GABRG1: variants seen among roughly 807,000 people sequenced by gnomAD.
GABRG1 encodes the protein gamma-aminobutyric acid receptor subunit gamma-1.
A neutral mutation model predicts 49.8 loss-of-function variants in GABRG1; 49 were observed. The observed-to-expected ratio is 0.98, with a 90% CI of 0.78 to 1.25. The LOEUF (loss-of-function observed/expected upper bound fraction) is 1.25. GABRG1 is among the 50% of genes most tolerant of loss of function. GABRG1 has a pLI of 0.00. For synonymous variants in GABRG1, 232 were observed against 185.1 expected (o/e 1.25, Z -2.06); for missense variants, 552 against 552.3 (o/e 1.00, Z 0.01).
chr4:46,058,244 C>T lies in GABRG1; in HGVS notation c.889G>A (p.Asp297Asn), dbSNP rs755182208. The T allele has an allele frequency of 4.3e-6, 7 of 1,612,836 alleles. No individual in the cohort carries two copies. In the Admixed American group the frequency reaches 1.0e-4, roughly 23 times the overall value. The change falls in exon 7 of 9, where the codon GAT becomes AAT. Residue 297 changes from aspartate to asparagine, a missense_variant. Transcript: ENST00000295452. ...LSWVSFWINK[D>N]AVPARTSLGI... The stretch of plus-strand genomic sequence containing the variant: ...AACGATGTTCTTGCAGGCACTGCAT[C>T]TTTATTGATCCAAAAAGACACCCAA...
intron 2 of GABRG1, among the ~76,000 whole-genome samples, chr4:46,084,786 A>G (rs188167442): frequency 2.0e-5 from 3 of 151,740 alleles, no homozygotes. Context: ...CTAGCCATCA[A>G]TTAGATATCT....
At chr4:46,110,054 T>C (rs1720670216) in intron 1 of GABRG1, among the ~76,000 whole-genome samples, 2 of 151,068 alleles carry the variant, frequency 1.3e-5, no homozygotes. Context: ...CAAATTTAGT[T>C]ACAGAATTTC....
chr4:46,094,104 AAAAGTCT>A (rs1720093840), intron 2 of GABRG1, among the ~76,000 whole-genome samples: 1 of 152,046 alleles, frequency 6.6e-6, no homozygotes, highest in Non-Finnish European at 1.5e-5. Flanking sequence ...AATAAATCGT[AAAAGTCT>A]AAAGCAGTAC....
At chr4:46,053,756 A>G (rs900749773) in intron 7 of GABRG1, among the ~76,000 whole-genome samples, 1 of 152,016 alleles carries the variant, frequency 6.6e-6, no homozygotes, top group African/African-American at 2.4e-5. Flanking sequence ...CTTTTTTAAT[A>G]AGGCAAAAAA....
intron 8 of GABRG1, among the ~76,000 whole-genome samples, chr4:46,041,768 G>A (rs1717796621): frequency 6.6e-6 from 1 of 152,126 alleles, no homozygotes; most frequent in African/African-American, 2.4e-5. Flanking sequence ...GAAAGAGGAT[G>A]TGTAGGAATT....
intron 1 of GABRG1, among the ~76,000 whole-genome samples, chr4:46,116,882 C>CA (rs965546205): frequency 2.7e-5 from 4 of 150,688 alleles, no homozygotes; most frequent in African/African-American, 9.7e-5. Context: ...CAGGGCTACT[C>CA]AGTGCTAGTA....
rs571573359 is a variant in GABRG1, at chr4:46,111,060, C to G, written c.104+12750G>C. Among the ~76,000 whole-genome samples, 5 of 151,206 alleles carry G rather than the reference C, an allele frequency of 3.3e-5. No individual in the cohort carries two copies. The South Asian group carries it at 1.0e-3, about 31-fold the overall frequency. ...ACAGAAAAAGAAGAAATCAAACTAT[C>G]TCTTTTTAGAAAGTGTGTGATTCTA... On this transcript the variant is annotated intron_variant, in intron 1 of 8. Transcript: ENST00000295452.
intron 8 of GABRG1, among the ~76,000 whole-genome samples, chr4:46,050,708 T>C (rs1253895166): frequency 6.6e-6 from 1 of 151,852 alleles, no homozygotes; most frequent in African/African-American, 2.4e-5. Flanking sequence ...GTCTTGGATC[T>C]TTCGCTTACT....
intron 1 of GABRG1, among the ~76,000 whole-genome samples, chr4:46,098,725 C>T (rs924186177): frequency 5.3e-4 from 80 of 151,664 alleles, no homozygotes; most frequent in African/African-American, 1.9e-3. Context: ...TAGTGCTTGC[C>T]TTCTCATTTT....
At chr4:46,074,793 T>A (rs1475327104) in intron 3 of GABRG1, among the ~76,000 whole-genome samples, 1 of 152,110 alleles carries the variant, frequency 6.6e-6, no homozygotes, top group Non-Finnish European at 1.5e-5. Flanking sequence ...ATTACGTACA[T>A]AATTTTAAAT....
intron 1 of GABRG1, among the ~76,000 whole-genome samples, chr4:46,097,596 C>T (rs1037628612): frequency 6.6e-6 from 1 of 151,488 alleles, no homozygotes; most frequent in Non-Finnish European, 1.5e-5. Flanking sequence ...TTTGACCACT[C>T]CCACAACTGT....
chr4:46,100,163 T>C (rs1048609952), intron 1 of GABRG1, among the ~76,000 whole-genome samples: 1 of 151,784 alleles, frequency 6.6e-6, no homozygotes, highest in African/African-American at 2.4e-5. Context: ...TATGATTTCC[T>C]TCAAATAATT....
At chr4:46,074,190 T>C (rs964998484) in intron 3 of GABRG1, among the ~76,000 whole-genome samples, 3 of 152,290 alleles carry the variant, frequency 2.0e-5, no homozygotes, top group East Asian at 3.9e-4. Flanking sequence ...ATGATCTGAA[T>C]GGGAAAAGTG....
At chr4:46,061,109 C>T (rs1356544940) in intron 5 of GABRG1, among the ~76,000 whole-genome samples, 1 of 152,112 alleles carries the variant, frequency 6.6e-6, no homozygotes, top group Non-Finnish European at 1.5e-5. Flanking sequence ...AGAGCTATCA[C>T]ACCAAAATTT....
intron 3 of GABRG1, among the ~76,000 whole-genome samples, chr4:46,073,501 G>C (rs114491857): frequency 6.6e-6 from 1 of 151,938 alleles, no homozygotes; most frequent in Admixed American, 6.6e-5. Context: ...CTTTTATCTT[G>C]TTTTTTACTT....
intron 2 of GABRG1, among the ~76,000 whole-genome samples, chr4:46,087,651 A>G (rs1719829046): frequency 6.6e-6 from 1 of 151,884 alleles, no homozygotes; most frequent in Non-Finnish European, 1.5e-5. Flanking sequence ...GAGCTTATAA[A>G]CATGTCCCAA....
At position 46,049,484 on chromosome 4, in the gene GABRG1, A is replaced by G. The variant is rs374621037; in HGVS notation, c.1131+1940T>C. 2.4e-3 allele frequency among the ~76,000 whole-genome samples: 371 copies of G among 152,010 alleles called. 1 individual carries two copies. The highest frequency in any genetic ancestry group is 3.8e-3 in the Non-Finnish European group (261 of 67,884). The stretch of plus-strand genomic sequence containing the variant: ...CATTATGAATGGCAGTAAAGAAAAT[A>G]TTTTTGGTACTCAAGTAGTCAATTA... On this transcript the variant is annotated intron_variant, in intron 8 of 8. Coordinates refer to ENST00000295452, the MANE Select transcript of GABRG1 (RefSeq NM_173536.4).
chr4:46,041,235 G>A lies in GABRG1; in HGVS notation c.1151C>T (p.Pro384Leu), dbSNP rs1717769788. ...NKASMTPGLH[P>L]GSTLIPMNNI... is the part of the protein sequence containing the mutation. ...ATTCATTGGAATCAGAGTGGATCCAGGATGGAGACCAGGAGTCATCTGAGC... is the reference window on the plus strand; with the variant it reads ...ATTCATTGGAATCAGAGTGGATCCAAGATGGAGACCAGGAGTCATCTGAGC... Residue 384 changes from proline to leucine, a missense_variant, in exon 9 of 9, where the codon CCT becomes CTT. Transcript: ENST00000295452. 3 of 1,612,292 alleles carry A rather than the reference G, an allele frequency of 1.9e-6. No individual in the cohort carries two copies. Among genetic ancestry groups the A allele is most frequent in the African/African-American group, 2.7e-5 (2 of 74,792 alleles).
chr4:46,083,924 A>G, intron 3 of GABRG1, 62 bp downstream of exon 3: 1 of 870,436 alleles, frequency 1.1e-6, no homozygotes, highest in Non-Finnish European at 1.9e-6. Flanking sequence ...TGCGAATTCT[A>G]TTTTGGAGGT....
Sources: allele counts gnomAD v4.1 joint callset (sites outside exome capture counted in the v4.1 genomes callset), GRCh38; gene constraint gnomAD v4.1.1; transcripts MANE v1.5; gene names NCBI Gene and HGNC (gene_info 2026-07-23, HGNC 2026-07-21).